The following GPM6A variants were observed in gnomAD, a reference collection of about 807,000 sequenced individuals.
GPM6A encodes the protein neuronal membrane glycoprotein M6-a.
A neutral mutation model predicts 32.1 loss-of-function variants in GPM6A; 7 were observed. The ratio of observed to expected loss-of-function variants is 0.22; its 90% CI spans 0.12 to 0.41. The LOEUF (loss-of-function observed/expected upper bound fraction) is 0.41. Ranked by LOEUF, GPM6A falls within the 10% of genes least tolerant of loss-of-function variation. The pLI is 1.00. For synonymous variants in GPM6A, 130 were observed against 123.4 expected, an observed-to-expected ratio of 1.05 and a Z score of -0.35; for missense variants, 235 against 347.2, an observed-to-expected ratio of 0.68 and a Z score of 2.57.
chr4:175,753,472 G>T (rs79712973), intron 1 of GPM6A, among the ~76,000 whole-genome samples: 1 of 152,194 alleles, frequency 6.6e-6, no homozygotes, highest in Non-Finnish European at 1.5e-5. Flanking sequence ...AAATAGGAAT[G>T]CAATTTTAAA....
chr4:175,801,304 T>C (rs1177936057), intron 1 of GPM6A, among the ~76,000 whole-genome samples: 1 of 152,042 alleles, frequency 6.6e-6, no homozygotes, highest in African/African-American at 2.4e-5. Context: ...TAAAAACTTT[T>C]ATAAATGTAG....
At chr4:175,671,476 C>CAAAAAAAAAAAA (rs1743057417) in intron 3 of GPM6A, among the ~76,000 whole-genome samples, 1 of 4,158 alleles carries the variant, frequency 2.4e-4, no homozygotes, top group South Asian at 0.011. Flanking sequence ...TGCCTACAAA[C>CAAAAAAAAAAAA]GAAAAAAAAA....
chr4:175,729,069 C>G (rs1418504086), intron 1 of GPM6A, among the ~76,000 whole-genome samples: 1 of 152,082 alleles, frequency 6.6e-6, no homozygotes, highest in Non-Finnish European at 1.5e-5. Context: ...CCTTATTTCC[C>G]CAAATTGTAT....
At chr4:176,001,874 A>G (rs1313755834) in intron 1 of GPM6A, among the ~76,000 whole-genome samples, 1 of 152,164 alleles carries the variant, frequency 6.6e-6, no homozygotes, top group East Asian at 1.9e-4. Context: ...TTGCTCCCCA[A>G]AGAGAACATG....
At chr4:175,824,912 C>A (rs1735385960) in intron 1 of GPM6A, among the ~76,000 whole-genome samples, 1 of 152,086 alleles carries the variant, frequency 6.6e-6, no homozygotes, top group East Asian at 1.9e-4. Flanking sequence ...TTCACTGTTT[C>A]CAATACATTA....
intron 1 of GPM6A, among the ~76,000 whole-genome samples, chr4:175,740,657 G>A (rs12500049): frequency 0.34 from 52,322 of 151,792 alleles, 11,127 homozygotes; most frequent in Non-Finnish European, 0.47. Context: ...ATCAACTAGC[G>A]AGATGAATAG....
At chr4:175,968,907 A>T (rs764696994) in intron 1 of GPM6A, among the ~76,000 whole-genome samples, 4 of 152,238 alleles carry the variant, frequency 2.6e-5, no homozygotes, top group Non-Finnish European at 4.4e-5. Flanking sequence ...CATTTGGCAT[A>T]TGATTCTAGG....
At chr4:175,731,966 A>ACT (rs1731452167) in intron 1 of GPM6A, among the ~76,000 whole-genome samples, 1 of 123,712 alleles carries the variant, frequency 8.1e-6, no homozygotes, top group Non-Finnish European at 1.6e-5. Flanking sequence ...TCCTCACTTC[A>ACT]TTTTTTTTTT....
intron 1 of GPM6A, among the ~76,000 whole-genome samples, chr4:175,843,371 G>A (rs927250895): frequency 6.6e-6 from 1 of 152,016 alleles, no homozygotes; most frequent in Non-Finnish European, 1.5e-5. Flanking sequence ...TAAATCTACT[G>A]AACAGAGGCC....
intron 1 of GPM6A, among the ~76,000 whole-genome samples, chr4:175,808,162 T>C (rs1734773149): frequency 6.6e-6 from 1 of 152,134 alleles, no homozygotes; most frequent in Non-Finnish European, 1.5e-5. Context: ...TCTAGAGTCA[T>C]CTTTCAAGAT....
chr4:175,744,478 T>C (rs940102852), intron 1 of GPM6A, among the ~76,000 whole-genome samples: 5 of 151,886 alleles, frequency 3.3e-5, no homozygotes, highest in South Asian at 2.1e-4. Flanking sequence ...AAAAATAAGA[T>C]GGACAATCAA....
chr4:175,662,409 G>A (rs1039790416), intron 3 of GPM6A, among the ~76,000 whole-genome samples: 3 of 152,084 alleles, frequency 2.0e-5, no homozygotes, highest in African/African-American at 7.2e-5. Context: ...AGACCAGCCT[G>A]GCCAACATGG....
At chr4:175,890,338 T>C (rs952029490) in intron 1 of GPM6A, among the ~76,000 whole-genome samples, 5 of 152,088 alleles carry the variant, frequency 3.3e-5, no homozygotes, top group African/African-American at 1.2e-4. Flanking sequence ...GTACGAAAAA[T>C]ATATTCATAG....
intron 1 of GPM6A, among the ~76,000 whole-genome samples, chr4:175,709,687 C>T (rs955092998): frequency 6.9e-6 from 1 of 145,074 alleles, no homozygotes; most frequent in Non-Finnish European, 1.5e-5. Context: ...GAGATCATGC[C>T]ATTGCACTCC....
chr4:175,898,619 C>G, intron 1 of GPM6A, among the ~76,000 whole-genome samples: 1 of 152,134 alleles, frequency 6.6e-6, no homozygotes, highest in Non-Finnish European at 1.5e-5. Context: ...CTCAAACATT[C>G]TGAGAACCCC....
chr4:175,816,583 A>G (rs1298049514), upstream of GPM6A, among the ~76,000 whole-genome samples: 1 of 152,208 alleles, frequency 6.6e-6, no homozygotes, highest in Non-Finnish European at 1.5e-5. Context: ...AGGGGGAAAA[A>G]TGTTCGTAGT....
chr4:175,771,510 G>A (rs1463683184), intron 1 of GPM6A, among the ~76,000 whole-genome samples: 1 of 142,436 alleles, frequency 7.0e-6, no homozygotes, highest in Non-Finnish European at 1.5e-5. Context: ...GGCAGAGGCT[G>A]CATTGCACTC....
At chr4:175,783,380 C>T (rs986744652) in intron 1 of GPM6A, among the ~76,000 whole-genome samples, 2 of 151,794 alleles carry the variant, frequency 1.3e-5, no homozygotes, top group Non-Finnish European at 3.0e-5. Context: ...ATCAGAAATT[C>T]TTTTAATCCT....
chr4:175,812,778 T>C, upstream of GPM6A: 5 of 985,400 alleles, frequency 5.1e-6, no homozygotes, highest in Non-Finnish European at 6.0e-6. Flanking sequence ...CCGTCGGTTC[T>C]TTATGCTGCA....
Sources: allele counts gnomAD v4.1 joint callset (sites outside exome capture counted in the v4.1 genomes callset), GRCh38; gene constraint gnomAD v4.1.1; transcripts MANE v1.5; gene names NCBI Gene and HGNC (gene_info 2026-07-23, HGNC 2026-07-21).